EPHA7: variants seen among roughly 807,000 people sequenced by gnomAD.
EPHA7 encodes the protein EPH receptor A7, also known as ephrin type-A receptor 7.
In EPHA7, 25 loss-of-function variants were observed where a neutral mutation model predicts 112.6. The ratio of observed to expected loss-of-function variants is 0.22; its 90% confidence interval spans 0.16 to 0.31. EPHA7 has a LOEUF of 0.31. Ranked by LOEUF, EPHA7 falls within the 10% of genes least tolerant of loss-of-function variation. The pLI, the probability that EPHA7 is intolerant of heterozygous loss-of-function variation, is 1.00. For synonymous variants in EPHA7, 437 were observed against 406.5 expected, an observed-to-expected ratio of 1.07 and a Z score of -0.90; for missense variants, 962 against 1,212.6, an observed-to-expected ratio of 0.79 and a Z score of 3.07.
chr6:93,266,279 CAT>C (rs1770932718), intron 7 of EPHA7, among the ~76,000 whole-genome samples: 1 of 151,514 alleles, frequency 6.6e-6, no homozygotes, highest in Admixed American at 6.6e-5. Context: ...AAATTATGTA[CAT>C]ATGTTATGAA....
intron 3 of EPHA7, among the ~76,000 whole-genome samples, chr6:93,405,833 A>G (rs1237828943): frequency 0.13 from 16,644 of 132,252 alleles, 1,156 homozygotes; most frequent in East Asian, 0.19. Context: ...ATATATATAT[A>G]TATATATATA....
At chr6:93,380,217 A>G (rs2127969994) in intron 3 of EPHA7, among the ~76,000 whole-genome samples, 1 of 152,222 alleles carries the variant, frequency 6.6e-6, no homozygotes, top group Non-Finnish European at 1.5e-5. Flanking sequence ...AATATCTCTC[A>G]TAATTCCTGC....
chr6:93,298,723 C>T (rs968105247), intron 5 of EPHA7, among the ~76,000 whole-genome samples: 3 of 152,208 alleles, frequency 2.0e-5, no homozygotes, highest in South Asian at 2.1e-4. Context: ...AAAGACAATG[C>T]TCAGTTTTGA....
intron 3 of EPHA7, among the ~76,000 whole-genome samples, chr6:93,389,376 G>A (rs1442927322): frequency 6.6e-6 from 1 of 152,028 alleles, no homozygotes; most frequent in Non-Finnish European, 1.5e-5. Context: ...GGAGACAAAG[G>A]TCTTGAGAGA....
intron 5 of EPHA7, among the ~76,000 whole-genome samples, chr6:93,284,839 C>G (rs540804969): frequency 1.3e-5 from 2 of 149,752 alleles, no homozygotes; most frequent in East Asian, 4.0e-4. Context: ...CACACCAGGG[C>G]CTGTTGGGGG....
rs940055712 is a variant in EPHA7 at position 93,262,408 on chromosome 6, C to A, written c.1798+1452G>T. Among the ~76,000 whole-genome samples, 8 of 149,794 alleles carry A rather than the reference C, an allele frequency of 5.3e-5. No homozygotes were observed. In the East Asian group the frequency reaches 1.6e-3, roughly 30 times the overall value. On this transcript the variant is annotated intron_variant, in intron 9 of 16. Coordinates refer to ENST00000369303, the MANE Select transcript of EPHA7 (RefSeq NM_004440.4). ...GGGTATAGAAACACACATATTCAGT[C>A]ATATTCAGGGGTATATTAAGTTTTT... is the stretch of plus-strand genomic sequence containing the variant.
intron 5 of EPHA7, among the ~76,000 whole-genome samples, chr6:93,307,019 A>G (rs1430461997): frequency 6.6e-6 from 1 of 151,968 alleles, no homozygotes; most frequent in Non-Finnish European, 1.5e-5. Flanking sequence ...ATAATATAAT[A>G]CTATTGCATA....
chr6:93,359,860 GAGAGAGAGAGAGAGAGATAGAT>G (rs1314568008), intron 3 of EPHA7, among the ~76,000 whole-genome samples: 2,197 of 102,704 alleles, frequency 0.021, 31 homozygotes, highest in Non-Finnish European at 0.031. Context: ...ATGATAGAGA[GAGAGAGAGAGAGAGAGATAGAT>G]AGATAGATAG....
chr6:93,358,545 A>G lies in EPHA7; in HGVS notation c.833-134T>C, dbSNP rs923359165. The G allele has an allele frequency of 2.1e-5, 15 of 697,826 alleles. No individual in the cohort carries two copies. The African/African-American group carries it at 2.7e-4, about 13-fold the overall frequency. 43.2% of individuals were successfully genotyped at this position (697,826 alleles called of 1,614,324 possible). A position where few individuals can be genotyped will look rare whatever the true frequency, so the allele number is the denominator to read the frequency against. On this transcript the variant is annotated intron_variant, in intron 3 of 16. Coordinates refer to ENST00000369303, the MANE Select transcript of EPHA7 (RefSeq NM_004440.4). ...ACAAGCTCTTGATGATAAAATATTC[A>G]TTTTAGGGTATTTCACTAGCCAAAT...
At chr6:93,244,618 T>G (rs944293533) in intron 16 of EPHA7, among the ~76,000 whole-genome samples, 5 of 152,046 alleles carry the variant, frequency 3.3e-5, no homozygotes, top group Admixed American at 2.0e-4. Context: ...GAAAAGTGAG[T>G]TCTTTTAACT....
At chr6:93,419,114 G>T in intron 1 of EPHA7, 131 bp downstream of exon 1, 1 of 639,316 alleles carries the variant, frequency 1.6e-6, no homozygotes, top group East Asian at 3.4e-5. Flanking sequence ...GCGGTGAGGG[G>T]GCGGGGAGCC....
At chr6:93,271,806 TAAC>T (rs1462518496) in intron 6 of EPHA7, among the ~76,000 whole-genome samples, 1 of 151,790 alleles carries the variant, frequency 6.6e-6, no homozygotes, top group Non-Finnish European at 1.5e-5. Context: ...AGGAGTGAAA[TAAC>T]ATCATCTGAT....
intron 8 of EPHA7, 87 bp from the exon 9 acceptor site, chr6:93,264,002 C>T: frequency 1.1e-6 from 1 of 903,916 alleles, no homozygotes; most frequent in Non-Finnish European, 1.7e-6. Flanking sequence ...TACTCAACAA[C>T]TTACTAGAGT....
At chr6:93,291,789 A>G (rs1233649531) in intron 5 of EPHA7, among the ~76,000 whole-genome samples, 7 of 148,442 alleles carry the variant, frequency 4.7e-5, no homozygotes, top group East Asian at 3.9e-4. Context: ...AAAAAAAAAT[A>G]CTTTTCTGGA....
intron 3 of EPHA7, among the ~76,000 whole-genome samples, chr6:93,363,908 T>A (rs1363247356): frequency 2.6e-5 from 4 of 152,164 alleles, no homozygotes; most frequent in African/African-American, 9.7e-5. Context: ...CATGGATGAA[T>A]CTTTAAAACA....
At chr6:93,348,846 T>C (rs1016307719) in intron 5 of EPHA7, among the ~76,000 whole-genome samples, 1 of 151,260 alleles carries the variant, frequency 6.6e-6, no homozygotes, top group Admixed American at 6.6e-5. Flanking sequence ...GGGCCCAATA[T>C]GTTGATGGGG....
At chr6:93,340,215 T>C (rs961828331) in intron 5 of EPHA7, among the ~76,000 whole-genome samples, 1 of 151,824 alleles carries the variant, frequency 6.6e-6, no homozygotes, top group Non-Finnish European at 1.5e-5. Context: ...TATACGTGTG[T>C]ATATGTGTAT....
chr6:93,246,009 T>A (rs951595955), intron 15 of EPHA7, among the ~76,000 whole-genome samples: 5 of 152,196 alleles, frequency 3.3e-5, no homozygotes, highest in African/African-American at 1.2e-4. Context: ...AATGGACTCT[T>A]TTTAATGAGT....
At chr6:93,354,987 T>C (rs957991123) in intron 5 of EPHA7, among the ~76,000 whole-genome samples, 2 of 152,054 alleles carry the variant, frequency 1.3e-5, no homozygotes, top group Admixed American at 6.6e-5. Context: ...TTCCAAAAGA[T>C]AGCTCTTATG....
Sources: gnomAD v4.1 joint callset for allele counts (sites outside exome capture counted in the v4.1 genomes callset) on GRCh38, gnomAD v4.1.1 for gene constraint, MANE v1.5 for transcripts, NCBI Gene and HGNC (gene_info 2026-07-23, HGNC 2026-07-21) for gene names.